Variants in SMG8 observed in about 807,000 individuals in gnomAD.
The protein encoded by SMG8 is nonsense-mediated mRNA decay factor SMG8.
A neutral mutation model predicts 82.1 loss-of-function variants in SMG8; 49 were observed. The ratio of observed to expected loss-of-function variants is 0.60; its 90% CI spans 0.47 to 0.76. The LOEUF (loss-of-function observed/expected upper bound fraction) is 0.76. Ranked by LOEUF, SMG8 falls within the 30% of genes least tolerant of loss-of-function variation. The pLI is 0.00. For synonymous variants in SMG8, 404 were observed against 430.0 expected, an observed-to-expected ratio of 0.94 and a Z score of 0.75; for missense variants, 969 against 1,166.4, an observed-to-expected ratio of 0.83 and a Z score of 2.46.
In SMG8 at chr17:59,210,987, C is replaced by A; in HGVS notation, c.936C>A (p.Phe312Leu). ...HALEDQIYRI[F>L]RKSRVLTNQS... The stretch of plus-strand genomic sequence containing the variant: ...TGGAGGACCAGATCTATAGAATCTT[C>A]CGGAAGAGTCGTGTCTTGACTAATC... Residue 312 changes from phenylalanine (F) to leucine (L), a missense_variant, in exon 1 of 4, where the codon TTC becomes TTA. Coordinates refer to ENST00000300917, the MANE Select transcript of SMG8 (RefSeq NM_018149.7). 6.2e-7 allele frequency: 1 copy of A among 1,614,210 alleles called. No individual in the cohort carries two copies. The highest frequency in any genetic ancestry group is 1.1e-5 in the South Asian group (1 of 91,090).
Position 59,215,085 on chromosome 17 carries a change from T to C in SMG8, c.*83T>C. On this transcript the variant is annotated 3_prime_UTR_variant, in exon 4 of 4. Coordinates refer to ENST00000300917, the MANE Select transcript of SMG8 (RefSeq NM_018149.7). Reference sequence around the variant, plus strand: ...GGCTGTGTTTTTGGTATGTGTTTACTGTGTTTTCCCAAATCCAAAATGTGT... The same window carrying C: ...GGCTGTGTTTTTGGTATGTGTTTACCGTGTTTTCCCAAATCCAAAATGTGT... The C allele has an allele frequency of 1.3e-6, 1 of 782,548 alleles. No individual in the cohort carries two copies. Among genetic ancestry groups the C allele is most frequent in the East Asian group, 2.5e-5 (1 of 40,814 alleles). 48.5% of individuals were successfully genotyped at this position (782,548 alleles called of 1,614,324 possible). A position where few individuals can be genotyped will look rare whatever the true frequency, so the allele number is the denominator to read the frequency against.
chr17:59,211,452 G>A lies in SMG8; in HGVS notation c.1401G>A (p.Leu467=). 8 of 1,614,126 alleles carry A rather than the reference G, an allele frequency of 5.0e-6. No homozygotes were observed. The highest frequency in any genetic ancestry group is 6.8e-6 in the Non-Finnish European group (8 of 1,180,006). The change falls in exon 1 of 4, where the codon TTG becomes TTA. Residue 467 remains leucine, a synonymous_variant. Coordinates refer to ENST00000300917, the MANE Select transcript of SMG8 (RefSeq NM_018149.7). The part of the protein sequence containing the change: ...EVAIDGKEED[L]GSPTGELTSK... ...CTATTGATGGGAAAGAAGAGGACTTGGGGTCACCCACTGGAGAGCTAACAT... is the reference window on the plus strand; with the variant it reads ...CTATTGATGGGAAAGAAGAGGACTTAGGGTCACCCACTGGAGAGCTAACAT...
chr17:59,211,890 T>A, intron 1 of SMG8, 80 bp downstream of exon 1: 1 of 1,238,532 alleles, frequency 8.1e-7, no homozygotes, highest in Non-Finnish European at 1.1e-6. Context: ...GTCTGTTCAC[T>A]ATGTATTGAT....
rs775788263 is a variant in SMG8 at position 59,210,288 on chromosome 17, C to T, written c.237C>T (p.Leu79=). 36 of 1,613,096 alleles carry T rather than the reference C, an allele frequency of 2.2e-5. No homozygotes were observed. Among genetic ancestry groups the T allele is most frequent in the Non-Finnish European group, 3.0e-5 (35 of 1,179,806 alleles). Residue 79 remains leucine (L), a synonymous_variant, in exon 1 of 4, where the codon CTC becomes CTT. Coordinates refer to ENST00000300917, the MANE Select transcript of SMG8 (RefSeq NM_018149.7). ...NTVCDRQVFP[L]FRHQDPGDPG... is the part of the protein sequence containing the mutation. ...TGTGCGACCGACAGGTCTTTCCTCT[C>T]TTTCGCCACCAAGATCCTGGGGATC...
intron 1 of SMG8, 39 bp downstream of exon 1, chr17:59,211,849 T>G: frequency 6.8e-7 from 1 of 1,473,582 alleles, no homozygotes; most frequent in Non-Finnish European, 9.0e-7. Flanking sequence ...ATAAAAACTT[T>G]GAGCTGTGTT....
In SMG8 at chr17:59,211,416, G is replaced by C; in HGVS notation, c.1365G>C (p.Leu455=). The C allele has an allele frequency of 6.2e-7, 1 of 1,614,216 alleles. No individual in the cohort carries two copies. Among genetic ancestry groups the C allele is most frequent in the Non-Finnish European group, 8.5e-7 (1 of 1,180,030 alleles). ...YQKWISAASK[L]YEVAIDGKEE... ...AGTGGATCTCAGCAGCTTCAAAACTGTATGAGGTGGCTATTGATGGGAAAG... is the reference window on the plus strand; with the variant it reads ...AGTGGATCTCAGCAGCTTCAAAACTCTATGAGGTGGCTATTGATGGGAAAG... The change falls in exon 1 of 4, where the codon CTG becomes CTC. Residue 455 remains leucine (L), a synonymous_variant. Coordinates refer to ENST00000300917, the MANE Select transcript of SMG8 (RefSeq NM_018149.7).
chr17:59,212,174 C>A, intron 1 of SMG8, 167 bp from the exon 2 acceptor site: 1 of 494,806 alleles, frequency 2.0e-6, no homozygotes, highest in Non-Finnish European at 3.3e-6. Context: ...CACTTAAAAA[C>A]TCTAAACTTT....
intron 3 of SMG8, 140 bp downstream of exon 3, chr17:59,213,741 C>T (rs2046955571): frequency 8.0e-6 from 9 of 1,124,296 alleles, no homozygotes; most frequent in Non-Finnish European, 9.9e-6. Flanking sequence ...AATCCCAGAA[C>T]TTTGGGAGGC....
In SMG8 at chr17:59,210,517, A is replaced by G; in HGVS notation, c.466A>G (p.Ile156Val). 3 of 1,565,002 alleles carry G rather than the reference A, an allele frequency of 1.9e-6. No individual in the cohort carries two copies. Among genetic ancestry groups the G allele is most frequent in the Non-Finnish European group, 2.6e-6 (3 of 1,159,436 alleles). Residue 156 changes from isoleucine (I) to valine (V), a missense_variant, in exon 1 of 4, where the codon ATC becomes GTC. Around this residue, in one of 3 missense-constraint regions of SMG8, gnomAD observed 662 missense variants for 884.8 expected, o/e 0.75. Coordinates refer to ENST00000300917, the MANE Select transcript of SMG8 (RefSeq NM_018149.7). ...SKVLYLLLTS[I>V]CDNSQLLRAC... is the part of the protein sequence containing the mutation. ...AGTTCTGTATCTTCTCCTCACCTCC[A>G]TCTGTGACAATTCACAGCTTCTCCG...
chr17:59,213,489 T>G lies in SMG8; in HGVS notation c.2666T>G (p.Leu889Ter), dbSNP rs1313150247. The G allele has an allele frequency of 1.2e-6, 2 of 1,614,202 alleles. No individual in the cohort carries two copies. Among genetic ancestry groups the G allele is most frequent in the Non-Finnish European group, 1.7e-6 (2 of 1,180,022 alleles). The change falls in exon 3 of 4, where the codon TTA becomes TGA. Residue 889 changes from leucine (L) to a stop codon, truncating the protein, a stop_gained. Transcript: ENST00000300917. LOFTEE classifies it high-confidence loss of function. ...AAAGCCCTAAATAGTGACATGCCCT[T>G]ATATATTCTGTCATCCTCTCAAGGT... ...ALKALNSDMP[L>*]YILSSSQGRG... is the part of the protein sequence containing the mutation.
In SMG8 at chr17:59,211,277, C is replaced by G; in HGVS notation, c.1226C>G (p.Thr409Ser). Residue 409 changes from threonine to serine, a missense_variant, in exon 1 of 4, where the codon ACT (threonine) becomes AGT (serine). By Grantham distance (58) the Thr-to-Ser change is moderately conservative. Coordinates refer to ENST00000300917, the MANE Select transcript of SMG8 (RefSeq NM_018149.7). ...SSSSGQLVDF[T>S]LREFLWQHVE... ...TCTTCAGGCCAGCTAGTGGATTTCA[C>G]TCTTCGGGAATTCCTATGGCAGCAT... 1.2e-6 allele frequency: 2 copies of G among 1,614,052 alleles called. No homozygotes were observed. The highest frequency in any genetic ancestry group is 8.5e-7 in the Non-Finnish European group (1 of 1,179,946).
intron 1 of SMG8, chr17:59,212,017 G>A (rs1227787340): frequency 3.6e-5 from 17 of 470,176 alleles, no homozygotes; most frequent in Non-Finnish European, 5.4e-5. Context: ...TAAAGGATAC[G>A]TCCTAGTGAA....
chr17:59,211,576 AG>A lies in SMG8; in HGVS notation c.1526del (p.Ser509MetfsTer13). 6.2e-7 allele frequency: 1 copy of A among 1,614,200 alleles called. No homozygotes were observed. On this transcript the variant is annotated frameshift_variant, in exon 1 of 4. Coordinates refer to ENST00000300917, the MANE Select transcript of SMG8 (RefSeq NM_018149.7). LOFTEE classifies it high-confidence loss of function. ...CCAAAAAGCTTTACCCATGGCCCAC[AG>A]TGCCTACCAGTCAAATTTGCCTCAT... ...RCQKALPMAH[S>X]AYQSNLPHNY...
rs760809846 is a variant in SMG8 at position 59,213,107 on chromosome 17, A to G, written c.2284A>G (p.Lys762Glu). 1.3e-5 allele frequency: 21 copies of G among 1,614,218 alleles called. No homozygotes were observed. The highest frequency in any genetic ancestry group is 1.7e-5 in the Admixed American group (1 of 60,014). ...AAATTGCCCTAAAGGTCTCCTACCC[A>G]AATTCTCCAGCTGGTCTTTGGTTAA... ...HSNCPKGLLP[K>E]FSSWSLVKLG... is the part of the protein sequence containing the mutation. Residue 762 changes from lysine to glutamate, a missense_variant, in exon 3 of 4, where the codon AAA (lysine) becomes GAA (glutamate). Transcript: ENST00000300917.
At position 59,212,433 on chromosome 17, in the gene SMG8, G is replaced by A; in HGVS notation, c.1852G>A (p.Ala618Thr). The change falls in exon 2 of 4, where the codon GCA becomes ACA. Residue 618 changes from alanine (A) to threonine (T), a missense_variant. Around this residue, in one of 3 missense-constraint regions of SMG8, gnomAD observed 662 missense variants for 884.8 expected, o/e 0.75. Transcript: ENST00000300917. ...TGCTTGCAACTGTGGAAGGAAACAA[G>A]CACCTCGAGATGATCCCTTTGATAT... ...TGACNCGRKQ[A>T]PRDDPFDIKA... 1 of 1,609,184 alleles carries A rather than the reference G, an allele frequency of 6.2e-7. No homozygotes were observed. Among genetic ancestry groups the A allele is most frequent in the Non-Finnish European group, 8.5e-7 (1 of 1,176,240 alleles).
rs548166429 is a variant in SMG8, at chr17:59,215,076, T to C, written c.*74T>C. The C allele has an allele frequency of 6.0e-4, 478 of 793,244 alleles. No homozygotes were observed. In the African/African-American group the frequency reaches 7.1e-3, roughly 12 times the overall value. 49.1% of individuals were successfully genotyped at this position (793,244 alleles called of 1,614,324 possible). A position where few individuals can be genotyped will look rare whatever the true frequency, so the allele number is the denominator to read the frequency against. ...GGTATTTGTGGCTGTGTTTTTGGTA[T>C]GTGTTTACTGTGTTTTCCCAAATCC... is the stretch of plus-strand genomic sequence containing the variant. On this transcript the variant is annotated 3_prime_UTR_variant, in exon 4 of 4. Transcript: ENST00000300917.
In SMG8 at chr17:59,211,063, A is replaced by G. The variant is rs757764719; in HGVS notation, c.1012A>G (p.Ile338Val). 3 of 1,614,212 alleles carry G rather than the reference A, an allele frequency of 1.9e-6. No homozygotes were observed. In the South Asian group the frequency reaches 3.3e-5, roughly 18 times the overall value. The change falls in exon 1 of 4, where the codon ATA becomes GTA. Residue 338 changes from isoleucine to valine, a missense_variant. Physicochemically the swap from Ile to Val is conservative, Grantham distance 29. Transcript: ENST00000300917. ...GCCTGCCAACCAAGCTTTCGTGTAC[A>G]TAGTACCGGGAAGCCAGGAGGAGGA... ...TVPANQAFVY[I>V]VPGSQEEDPV...
Position 59,210,276 on chromosome 17 carries a change from G to A in SMG8, c.225G>A (p.Gln75=). ...TTGTGAATACGGTGTGCGACCGACA[G>A]GTCTTTCCTCTCTTTCGCCACCAAG... ...FSLVNTVCDR[Q]VFPLFRHQDP... The change falls in exon 1 of 4, where the codon CAG becomes CAA. Residue 75 remains glutamine (Q), a synonymous_variant. Transcript: ENST00000300917. 1 of 1,613,292 alleles carries A rather than the reference G, an allele frequency of 6.2e-7. No individual in the cohort carries two copies. The highest frequency in any genetic ancestry group is 1.7e-4 in the Middle Eastern group (1 of 6,060).
Position 59,210,585 on chromosome 17 carries a change from C to T in SMG8, c.534C>T (p.Leu178=). 1 of 1,594,900 alleles carries T rather than the reference C, an allele frequency of 6.3e-7. No homozygotes were observed. The highest frequency in any genetic ancestry group is 8.5e-7 in the Non-Finnish European group (1 of 1,171,684). ...ALQSGEAGGG[L]SLPHAEAHEF... ...AGAGCGGGGAAGCTGGAGGTGGACT[C>T]TCTTTACCTCATGCAGAAGCACACG... is the stretch of plus-strand genomic sequence containing the variant. Residue 178 remains leucine, a synonymous_variant, in exon 1 of 4, where the codon CTC becomes CTT. Coordinates refer to ENST00000300917, the MANE Select transcript of SMG8 (RefSeq NM_018149.7).
Sources: allele counts gnomAD v4.1 joint callset, GRCh38; gene constraint gnomAD v4.1.1; regional missense constraint gnomAD v4.1.1; transcripts MANE v1.5; gene names NCBI Gene and HGNC (gene_info 2026-07-23, HGNC 2026-07-21).